The following KIFC2 variants were observed in gnomAD, a reference collection of about 807,000 sequenced individuals.
KIFC2 encodes kinesin-like protein KIFC2.
KIFC2 carries 94 observed loss-of-function variants against 91.5 expected under a neutral mutation model. That is an observed-to-expected ratio of 1.03 (90% confidence interval 0.87 to 1.22). KIFC2 has a LOEUF of 1.22. Ranked by LOEUF, KIFC2 falls within the 50% of genes most tolerant of loss-of-function variation. The pLI, the probability that KIFC2 is intolerant of heterozygous loss-of-function variation, is 0.00. For missense variants in KIFC2, 1,357 were observed against 1,103.3 expected (o/e 1.23, Z -3.26); for synonymous variants, 729 against 503.9 (o/e 1.45, Z -5.98).
chr8:144,470,315 C>T (rs1036165697), intron 12 of KIFC2, among the ~76,000 whole-genome samples: 23 of 152,256 alleles, frequency 1.5e-4, no homozygotes, highest in African/African-American at 5.3e-4. Flanking sequence ...TCCCTCTGGC[C>T]TTAGCCCCAC....
chr8:144,472,225 C>T lies in KIFC2; in HGVS notation c.1573C>T (p.Leu525Phe), dbSNP rs1351008268. The change falls in exon 14 of 18, where the codon CTC (leucine) becomes TTC (phenylalanine). Residue 525 changes from leucine (L) to phenylalanine (F), a missense_variant. Physicochemically the swap from Leu to Phe is conservative, Grantham distance 22 (BLOSUM62 0). Coordinates refer to ENST00000645548, the MANE Select transcript of KIFC2 (RefSeq NM_001369769.2). ...GGCCGGCCGGCAGCACCGGGTGACA[C>T]TCAGCATGGTGGAGATCTACAATGA... ...MGAGRQHRVT[L>F]SMVEIYNEAV... 6.2e-7 allele frequency: 1 copy of T among 1,612,832 alleles called. No homozygotes were observed. Among genetic ancestry groups the T allele is most frequent in the Non-Finnish European group, 8.5e-7 (1 of 1,179,834 alleles).
chr8:144,466,515 C>G lies in KIFC2; in HGVS notation c.96C>G (p.Ala32=), dbSNP rs759173560. Residue 32 remains alanine (A), a synonymous_variant, in exon 1 of 18, where the codon GCC becomes GCG. Coordinates refer to ENST00000645548, the MANE Select transcript of KIFC2 (RefSeq NM_001369769.2). ...AAAAAEPGDP[A]QRARKPRGRR... is the part of the protein sequence containing the mutation. The stretch of plus-strand genomic sequence containing the variant: ...CGGCCGCGGAGCCCGGGGACCCCGC[C>G]CAGGTGAGCGGGGCTGGCCGTGCAG... 4 of 1,281,802 alleles carry G rather than the reference C, an allele frequency of 3.1e-6. No homozygotes were observed. Among genetic ancestry groups the G allele is most frequent in the Non-Finnish European group, 4.0e-6 (4 of 1,006,326 alleles). 79.4% of individuals were successfully genotyped at this position (1,281,802 alleles called of 1,614,324 possible).
Position 144,467,063 on chromosome 8 carries a change from C to T in KIFC2, c.283C>T (p.Gln95Ter), listed in dbSNP as rs754264411. Residue 95 changes from glutamine (Q) to a stop codon, truncating the protein, a stop_gained, in exon 3 of 18, where the codon CAG (glutamine) becomes TAG (stop). Coordinates refer to ENST00000645548, the MANE Select transcript of KIFC2 (RefSeq NM_001369769.2). LOFTEE classifies it high-confidence loss of function. ...LLRLAEFLSV[Q>*]LGAEESCGGP... ...GCGCCTCGCCGAGTTCCTCTCCGTC[C>T]AGCTGGGGGCGGAAGAGAGCTGCGG... 6.3e-7 allele frequency: 1 copy of T among 1,595,586 alleles called. No individual in the cohort carries two copies. Among genetic ancestry groups the T allele is most frequent in the South Asian group, 1.1e-5 (1 of 89,194 alleles).
rs760732122 is a variant in KIFC2, at chr8:144,468,801, C to G, written c.1080C>G (p.Ser360Arg). The change falls in exon 10 of 18, where the codon AGC (serine) becomes AGG (arginine). Residue 360 changes from serine to arginine, a missense_variant. Transcript: ENST00000645548. ...GTTTGGTCAGCACCTTTACCCAGAG[C>G]TGTCAGGGTTCGCTGAGTGAGGCCC... ...LRGLVSTFTQ[S>R]CQGSLSEARG... The G allele has an allele frequency of 6.2e-7, 1 of 1,614,002 alleles. No individual in the cohort carries two copies. The highest frequency in any genetic ancestry group is 1.7e-5 in the Admixed American group (1 of 60,020).
chr8:144,467,240 A>C lies in KIFC2; in HGVS notation c.368A>C (p.Gln123Pro), dbSNP rs749882002. ...CCCTCACTGTTGACAGTGACCAGTC[A>C]GCTCTTGGCCCTTCTGGCATGGCTT... is the stretch of plus-strand genomic sequence containing the variant. ...EVPSLLTVTS[Q>P]LLALLAWLRS... is the part of the protein sequence containing the mutation. The change falls in exon 4 of 18, where the codon CAG becomes CCG. Residue 123 changes from glutamine (Q) to proline (P), a missense_variant. Coordinates refer to ENST00000645548, the MANE Select transcript of KIFC2 (RefSeq NM_001369769.2). 1 of 1,613,642 alleles carries C rather than the reference A, an allele frequency of 6.2e-7. No homozygotes were observed. Among genetic ancestry groups the C allele is most frequent in the Non-Finnish European group, 8.5e-7 (1 of 1,180,016 alleles).
Position 144,473,415 on chromosome 8 carries a change from G to A in KIFC2, c.*26G>A, listed in dbSNP as rs774671659. The A allele has an allele frequency of 1.3e-6, 2 of 1,566,090 alleles. No individual in the cohort carries two copies. Among genetic ancestry groups the A allele is most frequent in the African/African-American group, 1.4e-5 (1 of 73,982 alleles). ...TCCTGGGTCGCGGCCCTGCCCATGG[G>A]GTCTCAGGCCAGGTCTCTGCTGGCA... On this transcript the variant is annotated 3_prime_UTR_variant, in exon 18 of 18. Coordinates refer to ENST00000645548, the MANE Select transcript of KIFC2 (RefSeq NM_001369769.2).
chr8:144,470,852 C>T (rs1443294467), intron 12 of KIFC2, among the ~76,000 whole-genome samples: 1 of 152,246 alleles, frequency 6.6e-6, no homozygotes, highest in Middle Eastern at 3.2e-3. Flanking sequence ...ACAGCAGGTG[C>T]CACTGCAGCC....
rs750532855 is a variant in KIFC2, at chr8:144,472,920, C to T, written c.1987C>T (p.Leu663=). The T allele has an allele frequency of 6.7e-7, 1 of 1,491,768 alleles. No individual in the cohort carries two copies. Among genetic ancestry groups the T allele is most frequent in the Non-Finnish European group, 8.8e-7 (1 of 1,132,818 alleles). The allele number at this position is 1,491,768 out of a possible 1,614,324, so 92.4% of individuals were successfully genotyped here. Residue 663 remains leucine, a synonymous_variant, in exon 17 of 18, where the codon CTG becomes TTG. Coordinates refer to ENST00000645548, the MANE Select transcript of KIFC2 (RefSeq NM_001369769.2). ...GGAGGCCCAGACCATAAACCGCTCG[C>T]TGCTGGCGCTAGGAGGCGTGATGGC... is the stretch of plus-strand genomic sequence containing the variant. ...LREAQTINRS[L]LALGGVMAAL... is the part of the protein sequence containing the mutation.
Position 144,466,434 on chromosome 8 carries a change from C to T in KIFC2, c.15C>T (p.Tyr5=), listed in dbSNP as rs765826481. 1.7e-5 allele frequency: 23 copies of T among 1,354,218 alleles called. No individual in the cohort carries two copies. The highest frequency in any genetic ancestry group is 1.0e-4 in the East Asian group (3 of 28,896). 83.9% of individuals were successfully genotyped at this position (1,354,218 alleles called of 1,614,324 possible). MYAF[Y]SLLIYIFYSL... ...CCCGCGCTCCCATGTACGCCTTTTA[C>T]TCGTTGCTCATCTACATCTTCTACA... Residue 5 remains tyrosine, a synonymous_variant, in exon 1 of 18, where the codon TAC becomes TAT. Transcript: ENST00000645548.
Position 144,472,022 on chromosome 8 carries a change from C to G in KIFC2, c.1461C>G (p.Gly487=), listed in dbSNP as rs1448114036. Residue 487 remains glycine, a synonymous_variant, in exon 13 of 18, where the codon GGC becomes GGG. Coordinates refer to ENST00000645548, the MANE Select transcript of KIFC2 (RefSeq NM_001369769.2). ...SVCIFTYGQT[G]TGKTYSMEGP... is the part of the protein sequence containing the mutation. ...GCATCTTCACCTATGGCCAGACAGG[C>G]ACCGGGAAGACCTACAGCATGGAGG... is the stretch of plus-strand genomic sequence containing the variant. The G allele has an allele frequency of 6.2e-7, 1 of 1,613,524 alleles. No individual in the cohort carries two copies. The highest frequency in any genetic ancestry group is 1.1e-5 in the South Asian group (1 of 91,086).
intron 13 of KIFC2, 29 bp downstream of exon 13, chr8:144,472,075 G>A (rs764730048): frequency 6.2e-7 from 1 of 1,613,258 alleles, no homozygotes; most frequent in South Asian, 1.1e-5. Flanking sequence ...CCCAGTGGGA[G>A]AGGCCCCAGG....
At chr8:144,467,410 T>C in intron 4 of KIFC2, 69 bp downstream of exon 4, 3 of 1,544,718 alleles carry the variant, frequency 1.9e-6, no homozygotes, top group Non-Finnish European at 1.7e-6. Context: ...CTGGGCGGCC[T>C]GGAGTTCGGG....
At chr8:144,469,458 G>A (rs764776025) in intron 11 of KIFC2, 32 bp from the exon 12 acceptor site, 19 of 1,613,574 alleles carry the variant, frequency 1.2e-5, no homozygotes, top group Non-Finnish European at 1.4e-5. Context: ...TAGGGTCTGC[G>A]AGGCATTATG....
In KIFC2 at chr8:144,469,950, C is replaced by T. The variant is rs545741357; in HGVS notation, c.1380+303C>T. Among the ~76,000 whole-genome samples the T allele has an allele frequency of 3.3e-5, 5 of 152,324 alleles. No individual in the cohort carries two copies. In the South Asian group the frequency reaches 6.2e-4, roughly 19 times the overall value. On this transcript the variant is annotated intron_variant, in intron 12 of 17. Transcript: ENST00000645548. ...AAGGCAGGCGGTGGGTGGTGGGGGC[C>T]GTGGGTGAGGAGGCAACCTTCTAGT...
In KIFC2 at chr8:144,467,262, G is replaced by A; in HGVS notation, c.390G>A (p.Trp130Ter). The change falls in exon 4 of 18, where the codon TGG becomes TGA. Residue 130 changes from tryptophan (W) to a stop codon, truncating the protein, a stop_gained. Transcript: ENST00000645548. LOFTEE classifies it high-confidence loss of function. ...GTCAGCTCTTGGCCCTTCTGGCATG[G>A]CTTCGAAGCCCCAGGGGGAGGCAGG... is the stretch of plus-strand genomic sequence containing the variant. Reference protein sequence around the residue: ...VTSQLLALLAWLRSPRGRQAL... With the variant: ...VTSQLLALLA The A allele has an allele frequency of 6.2e-7, 1 of 1,613,586 alleles. No individual in the cohort carries two copies. The highest frequency in any genetic ancestry group is 8.5e-7 in the Non-Finnish European group (1 of 1,180,014).
Position 144,472,051 on chromosome 8 carries a change from G to A in KIFC2, c.1485+5G>A, listed in dbSNP as rs760902281. On this transcript the variant is annotated splice_donor_5th_base_variant and intron_variant, in intron 13 of 17. Coordinates refer to ENST00000645548, the MANE Select transcript of KIFC2 (RefSeq NM_001369769.2). ...GGGAAGACCTACAGCATGGAGGTGGGACAGAGCTCACGCCCCAGTGGGAGA... is the reference window on the plus strand; with the variant it reads ...GGGAAGACCTACAGCATGGAGGTGGAACAGAGCTCACGCCCCAGTGGGAGA... 5.0e-6 allele frequency: 8 copies of A among 1,613,486 alleles called. No individual in the cohort carries two copies. The South Asian group carries it at 8.8e-5, about 18-fold the overall frequency.
Position 144,472,602 on chromosome 8 carries a change from G to T in KIFC2, c.1757G>T (p.Arg586Leu). The change falls in exon 16 of 18, where the codon CGG (arginine) becomes CTG (leucine). Residue 586 changes from arginine (R) to leucine (L), a missense_variant. Physicochemically the swap from Arg to Leu is moderately radical, Grantham distance 102. Transcript: ENST00000645548. ...ATGCTGAAACTGGGGAGGAGCAACC[G>T]GGCCACCGCCGCCACCGCCATGAAC... ...HQMLKLGRSN[R>L]ATAATAMNQR... The T allele has an allele frequency of 6.2e-7, 1 of 1,607,652 alleles. No homozygotes were observed.
intron 2 of KIFC2, 33 bp from the exon 3 acceptor site, chr8:144,466,926 G>T: frequency 3.2e-6 from 5 of 1,576,680 alleles, no homozygotes; most frequent in Non-Finnish European, 4.3e-6. Flanking sequence ...CACGTGACCC[G>T]AAATGTCTCC....
rs371132388 is a variant in KIFC2 at position 144,472,203 on chromosome 8, C to T, written c.1551C>T (p.Ala517=). Residue 517 remains alanine, a synonymous_variant, in exon 14 of 18, where the codon GCC becomes GCT. Transcript: ENST00000645548. ...AGTCGCTGTTCCGGGAGATGGGGGC[C>T]GGCCGGCAGCACCGGGTGACACTCA... ...ALQSLFREMG[A]GRQHRVTLSM... The T allele has an allele frequency of 3.6e-5, 58 of 1,613,216 alleles. No homozygotes were observed. The highest frequency in any genetic ancestry group is 3.5e-4 in the African/African-American group (26 of 74,918).
Sources: allele counts gnomAD v4.1 joint callset (sites outside exome capture counted in the v4.1 genomes callset), GRCh38; gene constraint gnomAD v4.1.1; transcripts MANE v1.5; gene names NCBI Gene and HGNC (gene_info 2026-07-23, HGNC 2026-07-21).